The following SGCE variants were observed in gnomAD, a reference collection of about 807,000 sequenced individuals.
SGCE encodes the protein epsilon-sarcoglycan.
Under a neutral mutation model 57.8 loss-of-function variants are expected in SGCE, and 26 were observed. The ratio of observed to expected loss-of-function variants is 0.45; its 90% CI spans 0.33 to 0.62. The LOEUF (loss-of-function observed/expected upper bound fraction) is 0.62. SGCE is among the 20% of genes least tolerant of loss of function. The probability of loss-of-function intolerance (pLI) is 0.02; values close to 1 mark genes in which losing one functional copy is unlikely to be tolerated. For synonymous variants in SGCE, 183 were observed against 189.5 expected, an observed-to-expected ratio of 0.97 and a Z score of 0.28; for missense variants, 468 against 548.6, an observed-to-expected ratio of 0.85 and a Z score of 1.47.
chr7:94,591,388 AC>A (rs1797654347), intron 9 of SGCE, among the ~76,000 whole-genome samples: 1 of 152,170 alleles, frequency 6.6e-6, no homozygotes, highest in African/African-American at 2.4e-5. Context: ...ACATAGGCGC[AC>A]ACCACACACA....
Position 94,585,217 on chromosome 7 carries a change from C to T in SGCE, c.*282G>A, listed in dbSNP as rs562926134. ...AAATAGTTTACTGAAGTAAATTTCA[C>T]CAGTCATTAGGCTTCATTAATAATA... On this transcript the variant is annotated 3_prime_UTR_variant, in exon 11 of 11. Transcript: ENST00000648936. 1 of 361,050 alleles carries T rather than the reference C, an allele frequency of 2.8e-6. No individual in the cohort carries two copies. The highest frequency in any genetic ancestry group is 2.1e-5 in the African/African-American group (1 of 48,596). The allele number at this position is 361,050 out of a possible 1,614,324, so 22.4% of individuals were successfully genotyped here.
intron 9 of SGCE, chr7:94,589,830 T>C: frequency 5.7e-6 from 1 of 173,938 alleles, no homozygotes; most frequent in Non-Finnish European, 1.2e-5. Context: ...GTGAGTTATA[T>C]AATATTTCAT....
intron 1 of SGCE, among the ~76,000 whole-genome samples, chr7:94,655,407 G>A (rs1808477843): frequency 6.6e-6 from 1 of 152,106 alleles, no homozygotes; most frequent in Non-Finnish European, 1.5e-5. Context: ...CCGCTTCCCT[G>A]CTCCGTAAAA....
Position 94,603,339 on chromosome 7 carries a change from T to C in SGCE, c.776A>G (p.Asp259Gly). The change falls in exon 6 of 11, where the codon GAT (aspartate) becomes GGT (glycine). Residue 259 changes from aspartate (D) to glycine (G), a missense_variant. Physicochemically the swap from Asp to Gly is moderately conservative, Grantham distance 94 (BLOSUM62 -1). Coordinates refer to ENST00000648936, the MANE Select transcript of SGCE (RefSeq NM_003919.3). ...GTAAAATTGAGTACGAAATTTTTTA[T>C]CACATGTTATTACAGGCTCCATTTC... ...SQEMEPVITC[D>G]KKFRTQFYID... 1.2e-6 allele frequency: 2 copies of C among 1,612,826 alleles called. No homozygotes were observed. The highest frequency in any genetic ancestry group is 1.7e-6 in the Non-Finnish European group (2 of 1,179,212).
chr7:94,600,804 C>T lies in SGCE; in HGVS notation c.879G>A (p.Gly293=), dbSNP rs781005887. 6.2e-6 allele frequency: 10 copies of T among 1,613,024 alleles called. No homozygotes were observed. The highest frequency in any genetic ancestry group is 2.2e-5 in the South Asian group (2 of 90,950). The stretch of plus-strand genomic sequence containing the variant: ...TGTATTCTCCACCATCAGGTAAAAT[C>T]CCCTCTCCACGAATCACTTCCTGAT... The part of the protein sequence containing the change: ...STYQEVIRGE[G]ILPDGGEYKP... Residue 293 remains glycine (G), a synonymous_variant, in exon 7 of 11, where the codon GGG becomes GGA. Coordinates refer to ENST00000648936, the MANE Select transcript of SGCE (RefSeq NM_003919.3).
intron 10 of SGCE, chr7:94,588,083 C>T (rs967318492): frequency 7.7e-7 from 1 of 1,306,012 alleles, no homozygotes; most frequent in Non-Finnish European, 9.7e-7. Context: ...GTTATCTACT[C>T]AGTATAGAGA....
At chr7:94,651,417 G>C (rs927952106) in intron 1 of SGCE, among the ~76,000 whole-genome samples, 3 of 152,268 alleles carry the variant, frequency 2.0e-5, no homozygotes, top group Admixed American at 6.5e-5. Context: ...AACCAGGGAC[G>C]ATACCCTGAC....
At chr7:94,649,015 A>G (rs1160973637) in intron 1 of SGCE, among the ~76,000 whole-genome samples, 3 of 152,200 alleles carry the variant, frequency 2.0e-5, no homozygotes, top group African/African-American at 4.8e-5. Context: ...CCTAACTCCT[A>G]TACATTTTTT....
rs1584475449 is a variant in SGCE at position 94,588,741 on chromosome 7, GA to G, written c.1254-10del. 1.2e-6 allele frequency: 2 copies of G among 1,611,724 alleles called. No homozygotes were observed. Among genetic ancestry groups the G allele is most frequent in the Admixed American group, 3.3e-5 (2 of 59,922 alleles). On this transcript the variant is annotated splice_polypyrimidine_tract_variant and intron_variant, in intron 9 of 10. Transcript: ENST00000648936. ...TCTGATGTGGCAAGTTCCTAGAAATGATGAACATTTTTGAGTAAAACTGTTT... is the reference window on the plus strand; with the variant it reads ...TCTGATGTGGCAAGTTCCTAGAAATGTGAACATTTTTGAGTAAAACTGTTT...
At chr7:94,649,630 T>A (rs557578646) in intron 1 of SGCE, among the ~76,000 whole-genome samples, 16 of 152,334 alleles carry the variant, frequency 1.1e-4, no homozygotes, top group Admixed American at 7.2e-4. Context: ...CTCAAACTGC[T>A]GTTTGCATTA....
rs539465084 is a variant in SGCE at position 94,645,992 on chromosome 7, T to C, written c.109+9998A>G. The stretch of plus-strand genomic sequence containing the variant: ...ATGACACATATGAAAAATGATATTC[T>C]ATAGAAATATATAGTAGAGTCAACT... On this transcript the variant is annotated intron_variant, in intron 1 of 10. Transcript: ENST00000648936. Among the ~76,000 whole-genome samples, 235 of 152,310 alleles carry C rather than the reference T, an allele frequency of 1.5e-3. 1 individual carries two copies. Among genetic ancestry groups the C allele is most frequent in the African/African-American group, 5.4e-3 (224 of 41,566 alleles).
At position 94,603,438 on chromosome 7, in the gene SGCE, A is replaced by G. The variant is rs1799584951; in HGVS notation, c.677T>C (p.Val226Ala). ...NDLKEGVYVMVGADVPFSSCL... is the reference protein window; with the variant it reads ...NDLKEGVYVMAGADVPFSSCL... ...AGAAGAAAACGGGACATCTGCACCA[A>G]CCATGACATAAACGCTGTAAAAATG... The change falls in exon 6 of 11, where the codon GTT becomes GCT. Residue 226 changes from valine to alanine, a missense_variant. By Grantham distance (64) the Val-to-Ala change is moderately conservative. Transcript: ENST00000648936. The G allele has an allele frequency of 1.2e-6, 2 of 1,613,262 alleles. No individual in the cohort carries two copies. Among genetic ancestry groups the G allele is most frequent in the Admixed American group, 1.7e-5 (1 of 59,946 alleles).
At chr7:94,641,280 G>A (rs1562888534) in intron 1 of SGCE, among the ~76,000 whole-genome samples, 1 of 152,184 alleles carries the variant, frequency 6.6e-6, no homozygotes, top group Non-Finnish European at 1.5e-5. Context: ...TGATAAAGTG[G>A]TGAGAGTAGA....
At chr7:94,633,095 G>A (rs1023382749) in intron 1 of SGCE, among the ~76,000 whole-genome samples, 2 of 152,002 alleles carry the variant, frequency 1.3e-5, no homozygotes, top group Non-Finnish European at 2.9e-5. Context: ...ATCAAGCCAA[G>A]GTAACAGGGT....
chr7:94,627,964 TA>T (rs1804002782), intron 3 of SGCE: 4 of 494,942 alleles, frequency 8.1e-6, no homozygotes, highest in Non-Finnish European at 1.4e-5. Context: ...TTTAAGGTCA[TA>T]TTTTTTTCAC....
At chr7:94,633,080 T>C (rs1201304986) in intron 1 of SGCE, among the ~76,000 whole-genome samples, 1 of 152,058 alleles carries the variant, frequency 6.6e-6, no homozygotes, top group Non-Finnish European at 1.5e-5. Flanking sequence ...TACAGTGCCA[T>C]GCTAATCAAG....
chr7:94,654,966 T>C (rs1255896793), intron 1 of SGCE, among the ~76,000 whole-genome samples: 2 of 152,196 alleles, frequency 1.3e-5, no homozygotes, highest in Non-Finnish European at 2.9e-5. Context: ...GGAATCCGCG[T>C]TAAGGTTTTA....
At chr7:94,638,170 A>G (rs1805850455) in intron 1 of SGCE, among the ~76,000 whole-genome samples, 1 of 152,194 alleles carries the variant, frequency 6.6e-6, no homozygotes, top group Non-Finnish European at 1.5e-5. Context: ...TGCTTTTTAA[A>G]ACAAATTTTT....
intron 4 of SGCE, chr7:94,621,117 A>G (rs1802698534): frequency 6.6e-6 from 1 of 152,276 alleles, no homozygotes; most frequent in Admixed American, 6.5e-5. Flanking sequence ...TGGACAGAGC[A>G]TGATTACCCT....
Sources: allele counts gnomAD v4.1 joint callset (sites outside exome capture counted in the v4.1 genomes callset), GRCh38; gene constraint gnomAD v4.1.1; transcripts MANE v1.5; gene names NCBI Gene and HGNC (gene_info 2026-07-23, HGNC 2026-07-21).